The following AMPH variants were observed in gnomAD, a reference collection of about 807,000 sequenced individuals.
AMPH encodes the protein amphiphysin (Stiff-Mann syndrome with breast cancer 128kD autoantigen).
AMPH carries 49 observed loss-of-function variants against 99.1 expected under a neutral mutation model. The observed-to-expected ratio is 0.49, with a 90% CI of 0.39 to 0.63. The LOEUF (loss-of-function observed/expected upper bound fraction) is 0.63, where lower values mean the gene tolerates loss of function less well. AMPH is among the 20% of genes least tolerant of loss of function. The pLI, the probability that AMPH is intolerant of heterozygous loss-of-function variation, is 0.00. For synonymous variants in AMPH, 314 were observed against 317.3 expected, an observed-to-expected ratio of 0.99 and a Z score of 0.11; for missense variants, 759 against 863.4, an observed-to-expected ratio of 0.88 and a Z score of 1.52.
At chr7:38,405,897 A>G (rs892005529) in intron 17 of AMPH, among the ~76,000 whole-genome samples, 10 of 152,190 alleles carry the variant, frequency 6.6e-5, no homozygotes, top group African/African-American at 2.2e-4. Flanking sequence ...AGAACATTCC[A>G]CCCAACAACT....
intron 1 of AMPH, among the ~76,000 whole-genome samples, chr7:38,627,479 C>T (rs1794297254): frequency 6.6e-6 from 1 of 150,620 alleles, no homozygotes; most frequent in African/African-American, 2.4e-5. Context: ...CACGGTGAAA[C>T]CCCATCTCTA....
At chr7:38,494,165 G>C (rs1322423937) in intron 4 of AMPH, among the ~76,000 whole-genome samples, 4 of 152,000 alleles carry the variant, frequency 2.6e-5, no homozygotes, top group African/African-American at 7.2e-5. Flanking sequence ...CACTATTTTG[G>C]CCAGGCTGAT....
At chr7:38,437,492 A>G (rs976013682) in intron 11 of AMPH, among the ~76,000 whole-genome samples, 2 of 151,918 alleles carry the variant, frequency 1.3e-5, no homozygotes, top group African/African-American at 4.8e-5. Context: ...AAATGTATGA[A>G]AAGTGAGGGC....
chr7:38,391,655 A>AAAAAGT (rs757057276), intron 19 of AMPH, 93 bp downstream of exon 19: 1 of 1,373,408 alleles, frequency 7.3e-7, no homozygotes, highest in Non-Finnish European at 9.8e-7. Flanking sequence ...TAATAATTGC[A>AAAAAGT]AAAAGTAAAA....
chr7:38,548,251 G>T (rs1294122830), intron 1 of AMPH, among the ~76,000 whole-genome samples: 6 of 151,752 alleles, frequency 4.0e-5, no homozygotes, highest in Non-Finnish European at 7.4e-5. Context: ...GGATGGTCTC[G>T]ATCTCCTGAC....
intron 1 of AMPH, among the ~76,000 whole-genome samples, chr7:38,586,955 C>T (rs1425821740): frequency 6.6e-6 from 1 of 152,066 alleles, no homozygotes; most frequent in Non-Finnish European, 1.5e-5. Flanking sequence ...CATTATTTCT[C>T]CTATCACACA....
chr7:38,389,770 G>A (rs373411830), intron 20 of AMPH, 34 bp downstream of exon 20: 24 of 1,531,310 alleles, frequency 1.6e-5, no homozygotes, highest in African/African-American at 4.1e-5. Flanking sequence ...AAAAATCAAC[G>A]TAGCCCAAAG....
chr7:38,574,796 C>A (rs938906942), intron 1 of AMPH, among the ~76,000 whole-genome samples: 8 of 152,006 alleles, frequency 5.3e-5, no homozygotes, highest in African/African-American at 1.9e-4. Flanking sequence ...TGGCTCACAC[C>A]TGTAATCCTA....
intron 1 of AMPH, among the ~76,000 whole-genome samples, chr7:38,595,939 T>A (rs919397930): frequency 1.3e-5 from 2 of 152,226 alleles, no homozygotes; most frequent in African/African-American, 4.8e-5. Context: ...AGTGTATCTG[T>A]ACCACATTTA....
intron 2 of AMPH, among the ~76,000 whole-genome samples, chr7:38,507,421 T>G (rs1214243898): frequency 2.0e-5 from 3 of 152,180 alleles, no homozygotes; most frequent in Non-Finnish European, 4.4e-5. Flanking sequence ...CACACTGAAT[T>G]TCATCTAAAA....
chr7:38,494,527 C>T lies in AMPH; in HGVS notation c.206G>A (p.Gly69Asp), dbSNP rs1405711446. Reference sequence around the variant, plus strand: ...GAGCTTCATGGAGGCCTCCTGCATGCCTAGTGTTGGAGAGAAACAACTCCC... The same window carrying T: ...GAGCTTCATGGAGGCCTCCTGCATGTCTAGTGTTGGAGAGAAACAACTCCC... Reference protein sequence around the residue: ...ELRGYLAAIKGMQEASMKLTE... With the variant: ...ELRGYLAAIKDMQEASMKLTE... The change falls in exon 4 of 21, where the codon GGC becomes GAC. Residue 69 changes from glycine (G) to aspartate (D), a missense_variant and splice_region_variant. Coordinates refer to ENST00000356264, the MANE Select transcript of AMPH (RefSeq NM_001635.4). 6.8e-6 allele frequency: 11 copies of T among 1,612,346 alleles called. No individual in the cohort carries two copies. The highest frequency in any genetic ancestry group is 9.3e-6 in the Non-Finnish European group (11 of 1,178,602).
chr7:38,553,236 G>A (rs1433616729), intron 1 of AMPH, among the ~76,000 whole-genome samples: 1 of 152,208 alleles, frequency 6.6e-6, no homozygotes, highest in Non-Finnish European at 1.5e-5. Flanking sequence ...GTCTTTGGGG[G>A]CCTCAACTCC....
At chr7:38,473,749 T>TAAAAAAAA (rs1554343431) in intron 7 of AMPH, among the ~76,000 whole-genome samples, 7 of 73,416 alleles carry the variant, frequency 9.5e-5, no homozygotes, top group Non-Finnish European at 1.4e-4. Flanking sequence ...AAAAAAAAAG[T>TAAAAAAAA]ATTCCATGAA....
intron 2 of AMPH, among the ~76,000 whole-genome samples, chr7:38,508,995 C>T (rs570808945): frequency 3.4e-4 from 52 of 152,254 alleles, no homozygotes; most frequent in African/African-American, 1.1e-3. Context: ...TCCTGGCTTA[C>T]TAAGAAATAG....
At chr7:38,478,136 C>A (rs1390547294) in intron 5 of AMPH, among the ~76,000 whole-genome samples, 1 of 151,976 alleles carries the variant, frequency 6.6e-6, no homozygotes, top group East Asian at 1.9e-4. Flanking sequence ...AGCTATAACA[C>A]TAAAAAACAA....
intron 1 of AMPH, among the ~76,000 whole-genome samples, chr7:38,559,024 G>C (rs1023290522): frequency 6.6e-6 from 1 of 152,226 alleles, no homozygotes; most frequent in Admixed American, 6.5e-5. Flanking sequence ...TCCAAGAACA[G>C]TTCATTTAAT....
At chr7:38,414,456 C>T (rs1785307841) in intron 17 of AMPH, among the ~76,000 whole-genome samples, 1 of 152,002 alleles carries the variant, frequency 6.6e-6, no homozygotes, top group African/African-American at 2.4e-5. Context: ...TGGTATAATT[C>T]ACATCATTTA....
At position 38,507,951 on chromosome 7, in the gene AMPH, T is replaced by A. The variant is rs529493677; in HGVS notation, c.151-4247A>T. Among the ~76,000 whole-genome samples, 334 of 152,292 alleles carry A rather than the reference T, an allele frequency of 2.2e-3. 1 individual carries two copies. Among genetic ancestry groups the A allele is most frequent in the Non-Finnish European group, 2.9e-3 (194 of 68,034 alleles). On this transcript the variant is annotated intron_variant, in intron 2 of 20. Coordinates refer to ENST00000356264, the MANE Select transcript of AMPH (RefSeq NM_001635.4). ...TTATTGAGTCAAGCTGTTTTTTGTT[T>A]AGATACACTAAATTCTGAAGCGCTG... is the stretch of plus-strand genomic sequence containing the variant.
At chr7:38,484,633 C>A (rs1788419420) in intron 5 of AMPH, among the ~76,000 whole-genome samples, 1 of 151,826 alleles carries the variant, frequency 6.6e-6, no homozygotes, top group Non-Finnish European at 1.5e-5. Flanking sequence ...CACTAAACAG[C>A]AAACAATAGC....
Sources: allele counts gnomAD v4.1 joint callset (sites outside exome capture counted in the v4.1 genomes callset), GRCh38; gene constraint gnomAD v4.1.1; transcripts MANE v1.5; gene names NCBI Gene and HGNC (gene_info 2026-07-23, HGNC 2026-07-21).